Variants in C1QTNF7 observed in about 807,000 individuals in gnomAD.
C1QTNF7 encodes C1q and TNF related 7.
A neutral mutation model predicts 19.6 loss-of-function variants in C1QTNF7; 15 were observed. The observed-to-expected ratio is 0.76, with a 90% CI of 0.51 to 1.18. C1QTNF7 has a LOEUF of 1.18. Ranked by LOEUF, C1QTNF7 falls within the 50% of genes most tolerant of loss-of-function variation. C1QTNF7 has a pLI of 0.00. For synonymous variants in C1QTNF7, 142 were observed against 137.5 expected, an observed-to-expected ratio of 1.03 and a Z score of -0.23; for missense variants, 324 against 359.7, an observed-to-expected ratio of 0.90 and a Z score of 0.80.
At chr4:15,379,780 G>A (rs1718073309) in intron 1 of C1QTNF7, among the ~76,000 whole-genome samples, 1 of 152,226 alleles carries the variant, frequency 6.6e-6, no homozygotes, top group Admixed American at 6.5e-5. Context: ...TATCATATAT[G>A]TCTGGTATGA....
At chr4:15,400,516 C>A (rs1718945684) in intron 1 of C1QTNF7, among the ~76,000 whole-genome samples, 1 of 152,178 alleles carries the variant, frequency 6.6e-6, no homozygotes, top group Non-Finnish European at 1.5e-5. Flanking sequence ...AACAAGAAAC[C>A]CTAACTTTGG....
At chr4:15,401,859 G>A (rs376250868) in intron 1 of C1QTNF7, among the ~76,000 whole-genome samples, 2 of 152,032 alleles carry the variant, frequency 1.3e-5, no homozygotes, top group Non-Finnish European at 1.5e-5. Context: ...GATACCACAC[G>A]AAATGAGAAA....
chr4:15,367,285 AG>A (rs1717561001), intron 1 of C1QTNF7, among the ~76,000 whole-genome samples: 1 of 152,234 alleles, frequency 6.6e-6, no homozygotes, highest in Non-Finnish European at 1.5e-5. Flanking sequence ...TGCCTTTATT[AG>A]GTGCTAAAGT....
At chr4:15,350,079 G>C (rs770471161) in intron 1 of C1QTNF7, among the ~76,000 whole-genome samples, 2 of 131,890 alleles carry the variant, frequency 1.5e-5, no homozygotes, top group Non-Finnish European at 3.2e-5. Flanking sequence ...GGAAGGGAGA[G>C]AGGAAGGGAG....
chr4:15,430,081 A>G (rs1439902442), intron 1 of C1QTNF7, among the ~76,000 whole-genome samples: 2 of 152,228 alleles, frequency 1.3e-5, no homozygotes, highest in African/African-American at 4.8e-5. Flanking sequence ...AAAGGGCTCC[A>G]TGACTAAATA....
At chr4:15,382,925 A>G (rs1011896632) in intron 1 of C1QTNF7, among the ~76,000 whole-genome samples, 2 of 152,232 alleles carry the variant, frequency 1.3e-5, no homozygotes, top group Non-Finnish European at 2.9e-5. Context: ...ATGTTCATTG[A>G]ACAAATACTT....
intron 1 of C1QTNF7, among the ~76,000 whole-genome samples, chr4:15,362,898 C>G (rs1173135307): frequency 6.6e-6 from 1 of 152,108 alleles, no homozygotes; most frequent in Admixed American, 6.5e-5. Context: ...TACATCAATA[C>G]TATAAGTAAG....
At chr4:15,346,731 A>G (rs1432781759) in intron 1 of C1QTNF7, among the ~76,000 whole-genome samples, 1 of 152,204 alleles carries the variant, frequency 6.6e-6, no homozygotes, top group East Asian at 1.9e-4. Flanking sequence ...AGGTGTATCT[A>G]TCAATTTCCC....
At chr4:15,352,817 T>C (rs769286269) in intron 1 of C1QTNF7, among the ~76,000 whole-genome samples, 4 of 152,172 alleles carry the variant, frequency 2.6e-5, no homozygotes, top group Non-Finnish European at 5.9e-5. Flanking sequence ...TTGCTGACTG[T>C]TGCCTGCCAA....
chr4:15,415,199 G>C (rs1719554048), intron 1 of C1QTNF7, among the ~76,000 whole-genome samples: 1 of 152,152 alleles, frequency 6.6e-6, no homozygotes, highest in Non-Finnish European at 1.5e-5. Context: ...AGAGAATTCA[G>C]ATCATTAACC....
intron 1 of C1QTNF7, among the ~76,000 whole-genome samples, chr4:15,412,154 C>T (rs529033307): frequency 2.0e-5 from 3 of 152,240 alleles, no homozygotes; most frequent in Admixed American, 2.0e-4. Context: ...CTCTGATCAC[C>T]CCAGAGGGGA....
At chr4:15,342,857 C>T (rs752414385) in intron 1 of C1QTNF7, among the ~76,000 whole-genome samples, 18 of 152,204 alleles carry the variant, frequency 1.2e-4, no homozygotes, top group Non-Finnish European at 2.4e-4. Flanking sequence ...TAGATCAGCG[C>T]TCTGGCTTAG....
At chr4:15,379,748 G>A (rs1323867328) in intron 1 of C1QTNF7, among the ~76,000 whole-genome samples, 1 of 152,174 alleles carries the variant, frequency 6.6e-6, no homozygotes, top group African/African-American at 2.4e-5. Context: ...CTTCTTTGGA[G>A]GTCTATTAAA....
chr4:15,410,978 C>T (rs1381622168), intron 1 of C1QTNF7, among the ~76,000 whole-genome samples: 2 of 152,156 alleles, frequency 1.3e-5, no homozygotes, highest in Non-Finnish European at 2.9e-5. Flanking sequence ...GCCTGTCATC[C>T]AAATTGCATT....
intron 1 of C1QTNF7, among the ~76,000 whole-genome samples, chr4:15,395,274 G>A (rs115407920): frequency 2.7e-3 from 407 of 152,278 alleles, no homozygotes; most frequent in African/African-American, 9.4e-3. Context: ...TTAGGGAAGA[G>A]GGAATATTGG....
chr4:15,406,064 C>T (rs867898113), intron 1 of C1QTNF7, among the ~76,000 whole-genome samples: 2 of 152,222 alleles, frequency 1.3e-5, no homozygotes, highest in African/African-American at 4.8e-5. Flanking sequence ...CACCCCTTCT[C>T]CAAGATTTAC....
chr4:15,339,882 A>T (rs1716480359), upstream of C1QTNF7: 6 of 483,516 alleles, frequency 1.2e-5, no homozygotes, highest in South Asian at 1.4e-4. Flanking sequence ...TTGAAATGTG[A>T]GTATTATGGG....
At chr4:15,382,870 C>A (rs1314750991) in intron 1 of C1QTNF7, among the ~76,000 whole-genome samples, 1 of 152,202 alleles carries the variant, frequency 6.6e-6, no homozygotes, top group African/African-American at 2.4e-5. Flanking sequence ...CAGCTCTCGG[C>A]AGGCTCACCA....
intron 1 of C1QTNF7, among the ~76,000 whole-genome samples, chr4:15,418,521 A>G (rs1409744918): frequency 6.6e-6 from 1 of 152,054 alleles, no homozygotes; most frequent in Non-Finnish European, 1.5e-5. Context: ...CTTTTATCCC[A>G]TCTTCACCTG....
Sources: allele counts gnomAD v4.1 joint callset (sites outside exome capture counted in the v4.1 genomes callset), GRCh38; gene constraint gnomAD v4.1.1; transcripts MANE v1.5; gene names NCBI Gene and HGNC (gene_info 2026-07-23, HGNC 2026-07-21).